TTC3: variants seen among roughly 807,000 people sequenced by gnomAD.
TTC3 encodes E3 ubiquitin-protein ligase TTC3.
Under a neutral mutation model 249.6 loss-of-function variants are expected in TTC3, and 180 were observed. The observed-to-expected ratio is 0.72, with a 90% CI of 0.64 to 0.82. The LOEUF (loss-of-function observed/expected upper bound fraction) is 0.82, where lower values mean the gene tolerates loss of function less well. Among genes scored for constraint, TTC3 ranks in the 40% least tolerant of loss-of-function variants. The pLI, the probability that TTC3 is intolerant of heterozygous loss-of-function variation, is 0.00. For missense variants in TTC3, 2,061 were observed against 2,398.4 expected (o/e 0.86, Z 2.94); for synonymous variants, 717 against 805.0 (o/e 0.89, Z 1.85).
chr21:37,099,685 A>G (rs1369530655), intron 10 of TTC3, among the ~76,000 whole-genome samples: 1 of 152,084 alleles, frequency 6.6e-6, no homozygotes, highest in African/African-American at 2.4e-5. Flanking sequence ...AACAAAGGAG[A>G]CTCTCATATT....
chr21:37,161,974 C>G lies in TTC3; in HGVS notation c.3097-16C>G, dbSNP rs1261723992. 5 of 1,512,338 alleles carry G rather than the reference C, an allele frequency of 3.3e-6. No individual in the cohort carries two copies. Among genetic ancestry groups the G allele is most frequent in the Non-Finnish European group, 3.6e-6 (4 of 1,121,576 alleles). The allele number at this position is 1,512,338 out of a possible 1,614,324, so 93.7% of individuals were successfully genotyped here. A position where few individuals can be genotyped will look rare whatever the true frequency, so the allele number is the denominator to read the frequency against. ...AAGGTAGAAAATCATTGTCATTTTT[C>G]TGTCTTTTAAACCAGCCTATGTTAG... On this transcript the variant is annotated splice_polypyrimidine_tract_variant and intron_variant, in intron 30 of 45. Transcript: ENST00000355666.
At position 37,088,181 on chromosome 21, in the gene TTC3, T is replaced by C. The variant is rs2147667317; in HGVS notation, c.188-15T>C. 1.3e-6 allele frequency: 2 copies of C among 1,530,732 alleles called. No homozygotes were observed. Among genetic ancestry groups the C allele is most frequent in the East Asian group, 4.8e-5 (2 of 41,696 alleles). The allele number at this position is 1,530,732 out of a possible 1,614,324, so 94.8% of individuals were successfully genotyped here. ...GAGGCACAAACATTAATTTTAAACT[T>C]TTTTTTTAATTAAGAATTTGACATC... On this transcript the variant is annotated splice_polypyrimidine_tract_variant and intron_variant, in intron 3 of 45. Coordinates refer to ENST00000355666, the Ensembl canonical transcript of TTC3.
At chr21:37,101,957 T>C (rs1568918668) in intron 10 of TTC3, among the ~76,000 whole-genome samples, 2 of 149,266 alleles carry the variant, frequency 1.3e-5, no homozygotes, top group East Asian at 3.9e-4. Context: ...TATAGATTAT[T>C]TTATTTACAA....
rs184487088 is a variant in TTC3, at chr21:37,074,292, G to A, written c.-12+928G>A. ...CTGCTCCGCAGTGTTGACGCTGCCA[G>A]TGTGGCCTCTTCAGCCAGCCTGTTC... On this transcript the variant is annotated intron_variant, in intron 1 of 45. Coordinates refer to ENST00000355666, the Ensembl canonical transcript of TTC3. Among the ~76,000 whole-genome samples, 321 of 152,332 alleles carry A rather than the reference G, an allele frequency of 2.1e-3. 1 individual carries two copies. The highest frequency in any genetic ancestry group is 7.0e-3 in the African/African-American group (292 of 41,590).
At chr21:37,188,638 A>T (rs1296472630) in intron 39 of TTC3, 43 bp downstream of exon 39, 1 of 1,496,146 alleles carries the variant, frequency 6.7e-7, no homozygotes, top group Non-Finnish European at 9.3e-7. Flanking sequence ...CATTTAGAAG[A>T]TAAAGCTAGG....
rs147100615 is a variant in TTC3 at position 37,195,882 on chromosome 21, C to T, written c.5425C>T (p.Arg1809Trp). Reference sequence around the variant, plus strand: ...AGCCACTCAGCTGACAGGGCCAAAACGGGCTGGCCAGGCAGCTCTGTCAGA... The same window carrying T: ...AGCCACTCAGCTGACAGGGCCAAAATGGGCTGGCCAGGCAGCTCTGTCAGA... Residue 1809 changes from arginine (R) to tryptophan (W), a missense_variant, in exon 42 of 46, where the codon CGG (arginine) becomes TGG (tryptophan). By Grantham distance (101) the Arg-to-Trp change is moderately radical (BLOSUM62 -3). This residue lies in a region of TTC3 where 1,040 missense variants were observed against 1,186.1 expected (regional missense o/e 0.88). Coordinates refer to ENST00000355666, the Ensembl canonical transcript of TTC3. 249 of 1,614,262 alleles carry T rather than the reference C, an allele frequency of 1.5e-4. No homozygotes were observed. The African/African-American group carries it at 2.3e-3, about 15-fold the overall frequency.
At chr21:37,183,929 G>C (rs1304818306) in intron 36 of TTC3, among the ~76,000 whole-genome samples, 1 of 152,082 alleles carries the variant, frequency 6.6e-6, no homozygotes, top group Non-Finnish European at 1.5e-5. Context: ...TGGGTTCACT[G>C]GGGGGCCACG....
intron 37 of TTC3, among the ~76,000 whole-genome samples, chr21:37,186,285 C>T (rs2083263491): frequency 6.8e-6 from 1 of 146,012 alleles, no homozygotes; most frequent in Non-Finnish European, 1.5e-5. Context: ...TTCTGCTTTT[C>T]TCACTATTGT....
intron 7 of TTC3, 159 bp downstream of exon 7, chr21:37,091,572 T>A (rs917307962): frequency 7.0e-5 from 9 of 128,404 alleles, no homozygotes; most frequent in African/African-American, 6.1e-4. Flanking sequence ...TTTTTTATTA[T>A]TTATTTATTT....
intron 1 of TTC3, chr21:37,083,481 C>A: frequency 2.4e-6 from 2 of 822,752 alleles, no homozygotes; most frequent in Non-Finnish European, 2.9e-6. Flanking sequence ...ACAGTGAAGG[C>A]AGTGGCACTG....
In TTC3 at chr21:37,074,103, C is replaced by T. The variant is rs546512298; in HGVS notation, c.-12+739C>T. Among the ~76,000 whole-genome samples the T allele has an allele frequency of 1.8e-4, 27 of 152,358 alleles. No homozygotes were observed. In the South Asian group the frequency reaches 5.2e-3, roughly 29 times the overall value. ...TGTGCGTGTCACGACTCTGTTGCCA[C>T]CTGTTTTCGTGTGAACTGGCAGTCC... On this transcript the variant is annotated intron_variant, in intron 1 of 45. Coordinates refer to ENST00000355666, the Ensembl canonical transcript of TTC3.
exon 12 of TTC3, chr21:37,121,875 A>G: frequency 1.2e-6 from 2 of 1,612,968 alleles, no homozygotes; most frequent in Non-Finnish European, 1.7e-6. Flanking sequence ...TGGGCCCTGC[A>G]AGCAAACATA....
intron 4 of TTC3, 55 bp from the exon 5 acceptor site, chr21:37,088,744 A>G: frequency 3.3e-6 from 5 of 1,494,966 alleles, no homozygotes; most frequent in African/African-American, 1.4e-5. Flanking sequence ...CATAAAGTTC[A>G]ATGAATTTGT....
rs773602627 is a variant in TTC3, at chr21:37,148,655, A to G, written c.2118+8A>G. ...AATGATAAAATTGACAAGGTAAAGCATAACAGGATTGTCTGAATTTTTCAG... is the reference window on the plus strand; with the variant it reads ...AATGATAAAATTGACAAGGTAAAGCGTAACAGGATTGTCTGAATTTTTCAG... On this transcript the variant is annotated splice_region_variant and intron_variant, in intron 23 of 45. Transcript: ENST00000355666. 1 of 1,545,738 alleles carries G rather than the reference A, an allele frequency of 6.5e-7. No individual in the cohort carries two copies. Among genetic ancestry groups the G allele is most frequent in the Non-Finnish European group, 8.7e-7 (1 of 1,145,354 alleles).
chr21:37,192,131 T>G lies in TTC3; in HGVS notation c.5135T>G (p.Ile1712Ser), dbSNP rs750218586. The change falls in exon 41 of 46, where the codon ATT becomes AGT. Residue 1712 changes from isoleucine (I) to serine (S), a missense_variant. Coordinates refer to ENST00000355666, the Ensembl canonical transcript of TTC3. ...TCACAGTCTCAGTTTGAAGAACAAATTAAGGCAATTAAAAATGGTTCTCGG... is the reference window on the plus strand; with the variant it reads ...TCACAGTCTCAGTTTGAAGAACAAAGTAAGGCAATTAAAAATGGTTCTCGG... The G allele has an allele frequency of 1.4e-5, 22 of 1,603,168 alleles. No individual in the cohort carries two copies. The highest frequency in any genetic ancestry group is 1.7e-4 in the Middle Eastern group (1 of 5,990).
chr21:37,162,854 G>T (rs904020194), intron 31 of TTC3, among the ~76,000 whole-genome samples: 1 of 152,124 alleles, frequency 6.6e-6, no homozygotes, highest in Non-Finnish European at 1.5e-5. Context: ...TCAGTGTTTG[G>T]TGAGGGCCTG....
chr21:37,085,272 C>A (rs1450156986), intron 1 of TTC3, among the ~76,000 whole-genome samples: 1 of 152,168 alleles, frequency 6.6e-6, no homozygotes, highest in Admixed American at 6.5e-5. Context: ...AGTTTGGGTG[C>A]TCCAGTATCT....
chr21:37,184,101 C>A (rs2083006865), intron 36 of TTC3, among the ~76,000 whole-genome samples: 1 of 152,214 alleles, frequency 6.6e-6, no homozygotes, highest in Admixed American at 6.5e-5. Context: ...TGTGTCATGT[C>A]ATTTTGATGA....
At position 37,166,955 on chromosome 21, in the gene TTC3, A is replaced by G. The variant is rs568729439; in HGVS notation, c.4401+340A>G. On this transcript the variant is annotated intron_variant, in intron 33 of 45. Transcript: ENST00000355666. ...CTGTTTGTAGGAAAGTTCAAGTGCT[A>G]GCTGGAAGTGTAGCCTGCATCACAG... 1.5e-3 allele frequency among the ~76,000 whole-genome samples: 224 copies of G among 152,308 alleles called. 2 individuals are homozygous for G. The highest frequency in any genetic ancestry group is 4.9e-3 in the African/African-American group (205 of 41,560).
Sources: gnomAD v4.1 joint callset for allele counts (sites outside exome capture counted in the v4.1 genomes callset) on GRCh38, gnomAD v4.1.1 for gene constraint, gnomAD v4.1.1 regional missense constraint, MANE v1.5 for transcripts, NCBI Gene and HGNC (gene_info 2026-07-23, HGNC 2026-07-21) for gene names.